CERS3: variants seen among roughly 807,000 people sequenced by gnomAD.
CERS3 encodes the protein LAG1 homolog, ceramide synthase 3.
In CERS3, 33 loss-of-function variants were observed where a neutral mutation model predicts 50.3. That is an observed-to-expected ratio of 0.66 (90% CI 0.50 to 0.88). CERS3 has a LOEUF of 0.88. CERS3 is among the 40% of genes least tolerant of loss of function. CERS3 has a pLI of 0.00. For synonymous variants in CERS3, 176 were observed against 155.2 expected, an observed-to-expected ratio of 1.13 and a Z score of -0.99; for missense variants, 470 against 460.3, an observed-to-expected ratio of 1.02 and a Z score of -0.19.
chr15:100,541,984 G>T (rs553866381), intron 1 of CERS3, among the ~76,000 whole-genome samples: 42 of 152,126 alleles, frequency 2.8e-4, no homozygotes, highest in Admixed American at 2.5e-3. Flanking sequence ...GAGGATAAAT[G>T]GTACACCAGG....
At chr15:100,420,451 AC>A (rs1468419987) in intron 11 of CERS3, among the ~76,000 whole-genome samples, 3 of 152,202 alleles carry the variant, frequency 2.0e-5, no homozygotes, top group Admixed American at 6.5e-5. Context: ...TAGCTTACCA[AC>A]CAAAAAGTGT....
chr15:100,425,466 A>G (rs1381126360), intron 11 of CERS3, among the ~76,000 whole-genome samples: 3 of 132,378 alleles, frequency 2.3e-5, no homozygotes, highest in South Asian at 2.7e-4. Flanking sequence ...TTTTGTAGCT[A>G]TAAGATTTAA....
intron 11 of CERS3, among the ~76,000 whole-genome samples, chr15:100,403,623 A>G (rs76676669): frequency 6.6e-6 from 1 of 152,196 alleles, no homozygotes; most frequent in Non-Finnish European, 1.5e-5. Flanking sequence ...AACTCTATGC[A>G]TATACATTTG....
intron 11 of CERS3, among the ~76,000 whole-genome samples, chr15:100,449,450 CA>C (rs2034072382): frequency 6.6e-6 from 1 of 152,172 alleles, no homozygotes; most frequent in South Asian, 2.1e-4. Context: ...TCTGAAGGCC[CA>C]AGAATCAGCC....
chr15:100,400,717 G>A lies in CERS3; in HGVS notation c.*1996C>T, dbSNP rs1013988042. 1.3e-5 allele frequency: 2 copies of A among 151,924 alleles called. No homozygotes were observed. The highest frequency in any genetic ancestry group is 2.9e-5 in the Non-Finnish European group (2 of 67,990). The allele number at this position is 151,924 out of a possible 1,614,324, so 9.4% of individuals were successfully genotyped here. On this transcript the variant is annotated 3_prime_UTR_variant, in exon 12 of 12. Coordinates refer to ENST00000679737, the MANE Select transcript of CERS3 (RefSeq NM_001378789.1). The stretch of plus-strand genomic sequence containing the variant: ...TCTACCTTAAGCAAGAAGATATTTG[G>A]TACAGAGACAAAAACCAAATAAGCA...
intron 2 of CERS3, among the ~76,000 whole-genome samples, chr15:100,517,807 G>A (rs867540546): frequency 2.0e-5 from 3 of 152,156 alleles, no homozygotes; most frequent in Non-Finnish European, 4.4e-5. Context: ...GGTGCAGTGG[G>A]TGTGAGCGTT....
chr15:100,409,836 C>T (rs906040708), intron 11 of CERS3, among the ~76,000 whole-genome samples: 4 of 152,162 alleles, frequency 2.6e-5, no homozygotes, highest in Admixed American at 6.5e-5. Context: ...AGAAAACACA[C>T]GCTTCAAGAA....
intron 3 of CERS3, among the ~76,000 whole-genome samples, chr15:100,498,902 A>G (rs149217426): frequency 1.3e-5 from 2 of 152,252 alleles, no homozygotes; most frequent in East Asian, 3.9e-4. Flanking sequence ...TTTTGTTTTT[A>G]TGTGTGAACA....
At position 100,486,986 on chromosome 15, in the gene CERS3, T is replaced by C. The variant is rs182879050; in HGVS notation, c.289-2318A>G. On this transcript the variant is annotated intron_variant, in intron 4 of 11. Coordinates refer to ENST00000679737, the MANE Select transcript of CERS3 (RefSeq NM_001378789.1). Reference sequence around the variant, plus strand: ...TGTTTATGAGTCGAAGCTTTTTTTTTCTATTTTGGAGTACAGAAGAATCTA... The same window carrying C: ...TGTTTATGAGTCGAAGCTTTTTTTTCCTATTTTGGAGTACAGAAGAATCTA... Among the ~76,000 whole-genome samples, 652 of 152,336 alleles carry C rather than the reference T, an allele frequency of 4.3e-3. 7 individuals are homozygous for C. Among genetic ancestry groups the C allele is most frequent in the African/African-American group, 0.015 (618 of 41,554 alleles).
At chr15:100,416,635 G>T (rs2031930745) in intron 11 of CERS3, among the ~76,000 whole-genome samples, 1 of 152,170 alleles carries the variant, frequency 6.6e-6, no homozygotes. Flanking sequence ...AGAGAAGAGT[G>T]AGCAATAAAG....
rs1019352593 is a variant in CERS3, at chr15:100,404,494, G to GAC, written c.1000-1631_1000-1630dup. 9.2e-5 allele frequency among the ~76,000 whole-genome samples: 14 copies of GAC among 152,176 alleles called. 1 individual carries two copies. The highest frequency in any genetic ancestry group is 3.1e-4 in the African/African-American group (13 of 41,446). On this transcript the variant is annotated intron_variant, in intron 11 of 11. Coordinates refer to ENST00000679737, the MANE Select transcript of CERS3 (RefSeq NM_001378789.1). ...CAAAGAAGACCTAAATAGTTGGAGAGACATACTATGTTCATGAATTGGAAG... is the reference window on the plus strand; with the variant it reads ...CAAAGAAGACCTAAATAGTTGGAGAGACACATACTATGTTCATGAATTGGAAG...
At chr15:100,511,396 A>G (rs1208157501) in intron 2 of CERS3, among the ~76,000 whole-genome samples, 1 of 152,242 alleles carries the variant, frequency 6.6e-6, no homozygotes, top group Non-Finnish European at 1.5e-5. Flanking sequence ...AAGAACTTCT[A>G]TAACTCAATT....
chr15:100,425,003 A>T (rs987031471), intron 11 of CERS3, among the ~76,000 whole-genome samples: 1 of 146,258 alleles, frequency 6.8e-6, no homozygotes, highest in Non-Finnish European at 1.5e-5. Context: ...CAAGCCAAAA[A>T]CCTTGGCGGC....
chr15:100,470,090 G>A (rs2048355078), intron 9 of CERS3, among the ~76,000 whole-genome samples: 1 of 152,208 alleles, frequency 6.6e-6, no homozygotes, highest in Admixed American at 6.5e-5. Flanking sequence ...TGCAGAAAGG[G>A]TTGCTGAGTG....
intron 11 of CERS3, among the ~76,000 whole-genome samples, chr15:100,454,766 A>G (rs1481022604): frequency 6.7e-6 from 1 of 149,046 alleles, no homozygotes; most frequent in Admixed American, 6.8e-5. Context: ...AACAATCAAC[A>G]TAGTGAAGAG....
At chr15:100,521,247 G>T (rs905858170) in intron 2 of CERS3, among the ~76,000 whole-genome samples, 1 of 152,234 alleles carries the variant, frequency 6.6e-6, no homozygotes, top group South Asian at 2.1e-4. Context: ...ATCATTTGGG[G>T]TCATATTTTA....
At chr15:100,423,327 A>T (rs1567603043) in intron 11 of CERS3, among the ~76,000 whole-genome samples, 2 of 152,244 alleles carry the variant, frequency 1.3e-5, no homozygotes, top group Non-Finnish European at 2.9e-5. Flanking sequence ...TCATATGTTC[A>T]TCATAGCACT....
At chr15:100,518,221 CAGAGAG>C (rs2036546081) in intron 2 of CERS3, among the ~76,000 whole-genome samples, 1 of 151,684 alleles carries the variant, frequency 6.6e-6, no homozygotes, top group Admixed American at 6.6e-5. Context: ...GTGACAGAGA[CAGAGAG>C]ATAGACAAAG....
chr15:100,543,512 C>G (rs1011075603), intron 1 of CERS3, among the ~76,000 whole-genome samples: 6 of 150,428 alleles, frequency 4.0e-5, no homozygotes, highest in African/African-American at 1.5e-4. Flanking sequence ...CCCTCCCTTC[C>G]TCTCCCTCCT....
Sources: allele counts gnomAD v4.1 joint callset (sites outside exome capture counted in the v4.1 genomes callset), GRCh38; gene constraint gnomAD v4.1.1; transcripts MANE v1.5; gene names NCBI Gene and HGNC (gene_info 2026-07-23, HGNC 2026-07-21).